Variants in GABRA2 observed in about 807,000 individuals in gnomAD.
GABRA2 encodes gamma-aminobutyric acid type A receptor subunit alpha2, also known as gamma-aminobutyric acid receptor subunit alpha-2.
Under a neutral mutation model 48.7 loss-of-function variants are expected in GABRA2, and 16 were observed. The ratio of observed to expected loss-of-function variants is 0.33; its 90% CI spans 0.22 to 0.50. The LOEUF (loss-of-function observed/expected upper bound fraction) is 0.50, where lower values mean the gene tolerates loss of function less well. Ranked by LOEUF, GABRA2 falls within the 20% of genes least tolerant of loss-of-function variation. GABRA2 has a pLI of 0.98. For missense variants in GABRA2, 275 were observed against 535.6 expected, an observed-to-expected ratio of 0.51 and a Z score of 4.80; for synonymous variants, 185 against 184.5, an observed-to-expected ratio of 1.00 and a Z score of -0.02.
chr4:46,289,055 A>C (rs1577919050), intron 8 of GABRA2, among the ~76,000 whole-genome samples: 1 of 152,164 alleles, frequency 6.6e-6, no homozygotes, highest in South Asian at 2.1e-4. Context: ...ACAAAAAAAA[A>C]CAGATGCTGG....
chr4:46,329,962 T>C (rs918093105), intron 4 of GABRA2, among the ~76,000 whole-genome samples: 10 of 152,234 alleles, frequency 6.6e-5, no homozygotes, highest in Non-Finnish European at 1.5e-4. Context: ...TCTAGGGCCT[T>C]CAAGATTTTC....
chr4:46,273,329 C>T (rs2109413013), intron 8 of GABRA2, among the ~76,000 whole-genome samples: 1 of 150,892 alleles, frequency 6.6e-6, no homozygotes, highest in African/African-American at 2.4e-5. Context: ...GCCATTATTA[C>T]CTCAAATATT....
chr4:46,357,247 C>T (rs1402215069), intron 3 of GABRA2, among the ~76,000 whole-genome samples: 1 of 151,588 alleles, frequency 6.6e-6, no homozygotes, highest in Non-Finnish European at 1.5e-5. Context: ...CCCATCTAGC[C>T]TGTTAGTAAT....
chr4:46,384,004 T>C (rs1175301662), intron 3 of GABRA2, among the ~76,000 whole-genome samples: 3 of 152,288 alleles, frequency 2.0e-5, no homozygotes, highest in African/African-American at 7.2e-5. Context: ...GAAATGCCAA[T>C]ATGTAGCACA....
At chr4:46,266,731 T>C (rs1291400670) in intron 8 of GABRA2, among the ~76,000 whole-genome samples, 2 of 144,604 alleles carry the variant, frequency 1.4e-5, no homozygotes, top group Non-Finnish European at 3.0e-5. Context: ...TTTTTTTTTT[T>C]TTTTTTTTGA....
At chr4:46,361,920 G>T in intron 3 of GABRA2, among the ~76,000 whole-genome samples, 1 of 152,160 alleles carries the variant, frequency 6.6e-6, no homozygotes, top group Non-Finnish European at 1.5e-5. Context: ...CTTTGTTTTG[G>T]CCAATTTCTC....
intron 4 of GABRA2, among the ~76,000 whole-genome samples, chr4:46,314,886 C>G (rs1031408774): frequency 3.3e-5 from 5 of 152,080 alleles, no homozygotes; most frequent in Non-Finnish European, 5.9e-5. Context: ...TCCAATCTGT[C>G]ATTGATGGGC....
chr4:46,341,481 G>A (rs1357126164), intron 3 of GABRA2, among the ~76,000 whole-genome samples: 1 of 151,944 alleles, frequency 6.6e-6, no homozygotes, highest in Non-Finnish European at 1.5e-5. Flanking sequence ...GACTATTTCT[G>A]TAAAGCCTGT....
Position 46,332,660 on chromosome 4 carries a change from A to G in GABRA2, c.210T>C (p.Thr70=). Residue 70 remains threonine (T), a synonymous_variant, in exon 4 of 10, where the codon ACT becomes ACC. Transcript: ENST00000381620. ...GLGDSITEVF[T]NIYVTSFGPV... is the part of the protein sequence containing the mutation. Reference sequence around the variant, plus strand: ...GGCCAAAACTGGTCACGTAGATGTTAGTGAAGACTTCAGTAATACTGTCTA... The same window carrying G: ...GGCCAAAACTGGTCACGTAGATGTTGGTGAAGACTTCAGTAATACTGTCTA... The G allele has an allele frequency of 6.3e-7, 1 of 1,592,442 alleles. No individual in the cohort carries two copies. Among genetic ancestry groups the G allele is most frequent in the Non-Finnish European group, 8.6e-7 (1 of 1,160,488 alleles).
In GABRA2 at chr4:46,243,598, T is replaced by A. The variant is rs1429767308; in HGVS notation, c.*6710A>T. ...ACAAAAAAGTTGTTTAGCATTAATT[T>A]GCATGTGATTAGTTAGGAATTTTTT... On this transcript the variant is annotated 3_prime_UTR_variant, in exon 10 of 10. Coordinates refer to ENST00000381620, the MANE Select transcript of GABRA2 (RefSeq NM_000807.4). The A allele has an allele frequency of 6.6e-6, 1 of 151,582 alleles. No homozygotes were observed. Among genetic ancestry groups the A allele is most frequent in the Non-Finnish European group, 1.5e-5 (1 of 67,650 alleles). 9.4% of individuals were successfully genotyped at this position (151,582 alleles called of 1,614,324 possible).
rs1364991367 is a variant in GABRA2 at position 46,249,692 on chromosome 4, A to T, written c.*616T>A. 6.6e-6 allele frequency: 1 copy of T among 151,564 alleles called. No homozygotes were observed. The highest frequency in any genetic ancestry group is 1.5e-5 in the Non-Finnish European group (1 of 67,702). 9.4% of individuals were successfully genotyped at this position (151,564 alleles called of 1,614,324 possible). A position where few individuals can be genotyped will look rare whatever the true frequency, so the allele number is the denominator to read the frequency against. ...TAGTTATTACATCGTAGGCATAATT[A>T]ACATCCTTTCGGGCTGACTCATAAT... On this transcript the variant is annotated 3_prime_UTR_variant, in exon 10 of 10. Coordinates refer to ENST00000381620, the MANE Select transcript of GABRA2 (RefSeq NM_000807.4).
intron 8 of GABRA2, among the ~76,000 whole-genome samples, chr4:46,277,506 G>T (rs539334077): frequency 6.6e-6 from 1 of 152,240 alleles, no homozygotes; most frequent in South Asian, 2.1e-4. Flanking sequence ...TGCTCCTGCT[G>T]CCACCTTCTC....
At position 46,267,515 on chromosome 4, in the gene GABRA2, T is replaced by C. The variant is rs753205158; in HGVS notation, c.857-5387A>G. 7.2e-4 allele frequency among the ~76,000 whole-genome samples: 109 copies of C among 152,046 alleles called. 1 individual carries two copies. The highest frequency in any genetic ancestry group is 8.5e-4 in the Admixed American group (13 of 15,234). ...GAAAATGGGTTATAGCTTCTCTTTA[T>C]TTTGGATGTCTCATATTCTTTTTTG... On this transcript the variant is annotated intron_variant, in intron 8 of 9. Coordinates refer to ENST00000381620, the MANE Select transcript of GABRA2 (RefSeq NM_000807.4).
intron 3 of GABRA2, among the ~76,000 whole-genome samples, chr4:46,383,375 T>C (rs1337982531): frequency 6.6e-6 from 1 of 152,170 alleles, no homozygotes; most frequent in Non-Finnish European, 1.5e-5. Flanking sequence ...ATACTCAACA[T>C]ACCACCTCAA....
chr4:46,388,217 A>AT (rs1717738075), intron 2 of GABRA2, among the ~76,000 whole-genome samples: 1 of 152,092 alleles, frequency 6.6e-6, no homozygotes, highest in Non-Finnish European at 1.5e-5. Flanking sequence ...GAGCCATACC[A>AT]TTAAAAAAAG....
intron 8 of GABRA2, among the ~76,000 whole-genome samples, chr4:46,271,934 T>C (rs1043246583): frequency 3.3e-5 from 5 of 151,800 alleles, no homozygotes; most frequent in Non-Finnish European, 7.4e-5. Context: ...TTACTCTACC[T>C]GGAGTCTTTT....
At chr4:46,315,699 G>T (rs1728429139) in intron 4 of GABRA2, among the ~76,000 whole-genome samples, 2 of 151,792 alleles carry the variant, frequency 1.3e-5, no homozygotes, top group African/African-American at 4.8e-5. Flanking sequence ...TTCAAGAAAG[G>T]GACCATGTCT....
rs372179893 is a variant in GABRA2 at position 46,246,949 on chromosome 4, T to G, written c.*3359A>C. Among the ~76,000 whole-genome samples the G allele has an allele frequency of 5.3e-5, 8 of 151,184 alleles. No individual in the cohort carries two copies. In the South Asian group the frequency reaches 8.3e-4, roughly 16 times the overall value. On this transcript the variant is annotated 3_prime_UTR_variant, in exon 10 of 10. Transcript: ENST00000381620. ...TGCTCTTCTGGAATCCATGATTATA[T>G]CATGGCAGGGTTTGTGTCCCTCAAC... is the stretch of plus-strand genomic sequence containing the variant.
At chr4:46,290,643 T>A (rs1188906490) in intron 8 of GABRA2, among the ~76,000 whole-genome samples, 1 of 152,180 alleles carries the variant, frequency 6.6e-6, no homozygotes, top group African/African-American at 2.4e-5. Context: ...TTAAAATTGT[T>A]TTTAAGCTCT....
Sources: gnomAD v4.1 joint callset for allele counts (sites outside exome capture counted in the v4.1 genomes callset) on GRCh38, gnomAD v4.1.1 for gene constraint, MANE v1.5 for transcripts, NCBI Gene and HGNC (gene_info 2026-07-23, HGNC 2026-07-21) for gene names.